Variants in KIF14 observed in about 807,000 individuals in gnomAD.
KIF14 encodes the protein kinesin family member 14, also known as kinesin-like protein KIF14.
A neutral mutation model predicts 176.2 loss-of-function variants in KIF14; 98 were observed. The observed-to-expected ratio is 0.56, with a 90% confidence interval of 0.47 to 0.66. The LOEUF is 0.66. Ranked by LOEUF, KIF14 falls within the 30% of genes least tolerant of loss-of-function variation. The pLI is 0.00. For synonymous variants in KIF14, 566 were observed against 632.2 expected, an observed-to-expected ratio of 0.90 and a Z score of 1.57; for missense variants, 1,751 against 1,920.4, an observed-to-expected ratio of 0.91 and a Z score of 1.65.
At chr1:200,575,524 CA>C (rs1658048141) in intron 22 of KIF14, 66 bp downstream of exon 22, 1 of 130,364 alleles carries the variant, frequency 7.7e-6, no homozygotes, top group African/African-American at 6.7e-5. Context: ...ATACAATTTA[CA>C]CACACACACA....
chr1:200,571,790 T>A (rs991766069), intron 22 of KIF14, among the ~76,000 whole-genome samples: 1 of 152,222 alleles, frequency 6.6e-6, no homozygotes, highest in Non-Finnish European at 1.5e-5. Context: ...AAAAAAAGTA[T>A]ATTATTACAG....
intron 25 of KIF14, among the ~76,000 whole-genome samples, chr1:200,561,229 T>A (rs1478190938): frequency 7.8e-6 from 1 of 128,078 alleles, no homozygotes; most frequent in Non-Finnish European, 1.6e-5. Flanking sequence ...GACTCCATCT[T>A]AAAAAAAAAA....
At chr1:200,578,855 G>T (rs1658279316) in intron 21 of KIF14, among the ~76,000 whole-genome samples, 1 of 152,132 alleles carries the variant, frequency 6.6e-6, no homozygotes, top group Non-Finnish European at 1.5e-5. Flanking sequence ...ACTTTGGGAG[G>T]CCAAGGCGGG....
chr1:200,586,015 G>T, intron 19 of KIF14, 86 bp downstream of exon 19: 1 of 930,982 alleles, frequency 1.1e-6, no homozygotes, highest in Non-Finnish European at 1.5e-6. Flanking sequence ...ATATGTAAAG[G>T]CAACTAATGC....
intron 8 of KIF14, 145 bp downstream of exon 8, chr1:200,605,138 T>G: frequency 1.4e-6 from 1 of 715,624 alleles, no homozygotes; most frequent in East Asian, 2.5e-5. Context: ...ATTTACTATC[T>G]TGCCTGTGGA....
intron 22 of KIF14, 53 bp downstream of exon 22, chr1:200,575,538 C>G: frequency 1.1e-6 from 1 of 918,990 alleles, no homozygotes; most frequent in South Asian, 1.8e-5. Context: ...CACACACACA[C>G]ACACACATGC....
intron 19 of KIF14, among the ~76,000 whole-genome samples, chr1:200,581,571 A>G (rs989523481): frequency 1.3e-5 from 2 of 151,786 alleles, no homozygotes; most frequent in Non-Finnish European, 2.9e-5. Context: ...CTAGAAAAAA[A>G]TTTTTTTTCT....
chr1:200,596,888 CTTTTT>C (rs993346438), intron 14 of KIF14, among the ~76,000 whole-genome samples: 2 of 99,212 alleles, frequency 2.0e-5, no homozygotes, highest in Admixed American at 1.2e-4. Context: ...CTCTCTCTCT[CTTTTT>C]TTTTTTTTTT....
Position 200,584,025 on chromosome 1 carries a change from C to T in KIF14, c.3241+2076G>A, listed in dbSNP as rs369254605. 1.3e-4 allele frequency among the ~76,000 whole-genome samples: 19 copies of T among 151,224 alleles called. No individual in the cohort carries two copies. The East Asian group carries it at 1.9e-3, about 15-fold the overall frequency. On this transcript the variant is annotated intron_variant, in intron 19 of 29. Coordinates refer to ENST00000367350, the MANE Select transcript of KIF14 (RefSeq NM_014875.3). ...TTGGGAGGCTGAGGTGGGTGGATCA[C>T]GAGGTCAGGAGGTAGAGACCATCCT...
chr1:200,565,239 G>T lies in KIF14; in HGVS notation c.3901C>A (p.Arg1301=). The T allele has an allele frequency of 6.3e-7, 1 of 1,595,070 alleles. No homozygotes were observed. Residue 1301 remains arginine (R), a synonymous_variant, in exon 25 of 30, where the codon CGA becomes AGA. Coordinates refer to ENST00000367350, the MANE Select transcript of KIF14 (RefSeq NM_014875.3). ...ESQDNLFSSD[R]AIQSLTIQTA... is the part of the protein sequence containing the mutation. Reference sequence around the variant, plus strand: ...TGAATAGTAAGTGACTGGATTGCTCGATCAGAAGAAAACACTTTGAAAGAA... The same window carrying T: ...TGAATAGTAAGTGACTGGATTGCTCTATCAGAAGAAAACACTTTGAAAGAA...
In KIF14 at chr1:200,602,156, A is replaced by G; in HGVS notation, c.1980-88T>C. The G allele has an allele frequency of 2.9e-6, 3 of 1,041,562 alleles. No individual in the cohort carries two copies. In the South Asian group the frequency reaches 4.7e-5, roughly 16 times the overall value. The allele number at this position is 1,041,562 out of a possible 1,614,324, so 64.5% of individuals were successfully genotyped here. A position where few individuals can be genotyped will look rare whatever the true frequency, so the allele number is the denominator to read the frequency against. On this transcript the variant is annotated intron_variant, in intron 10 of 29. Coordinates refer to ENST00000367350, the MANE Select transcript of KIF14 (RefSeq NM_014875.3). ...AAAGCACAAAACAAACTAATAGGGT[A>G]TATAATACAGTATTATTATACTCTA...
intron 5 of KIF14, among the ~76,000 whole-genome samples, chr1:200,607,419 G>A (rs569775194): frequency 8.5e-5 from 13 of 152,284 alleles, no homozygotes; most frequent in Non-Finnish European, 1.8e-4. Flanking sequence ...GATTGCAGGC[G>A]TCAGCCACCG....
chr1:200,567,169 C>T (rs1657504467), intron 23 of KIF14, among the ~76,000 whole-genome samples: 1 of 29,080 alleles, frequency 3.4e-5, no homozygotes, highest in African/African-American at 7.8e-5. Flanking sequence ...GAAACTCTGT[C>T]CTCAAAAAAA....
intron 4 of KIF14, among the ~76,000 whole-genome samples, chr1:200,613,420 A>G (rs1269793595): frequency 2.0e-5 from 3 of 152,106 alleles, no homozygotes; most frequent in Admixed American, 6.5e-5. Flanking sequence ...CTCCAACTTT[A>G]TATGTCCTCA....
At chr1:200,554,306 G>T (rs183237709) in intron 29 of KIF14, among the ~76,000 whole-genome samples, 162 bp downstream of exon 29, 2 of 151,938 alleles carry the variant, frequency 1.3e-5, no homozygotes, top group Non-Finnish European at 2.9e-5. Context: ...CAGGAGAATC[G>T]CTTGAACCCA....
chr1:200,618,842 A>C lies in KIF14; in HGVS notation c.-115-4T>G, dbSNP rs1660548499. 1.3e-6 allele frequency: 1 copy of C among 782,274 alleles called. No homozygotes were observed. The allele number at this position is 782,274 out of a possible 1,614,324, so 48.5% of individuals were successfully genotyped here. ...ATTTCTGAAAGTATCTGCTAAACTAAAAGAAAAAAAAAAGATTTAGATCAC... is the reference window on the plus strand; with the variant it reads ...ATTTCTGAAAGTATCTGCTAAACTACAAGAAAAAAAAAAGATTTAGATCAC... On this transcript the variant is annotated splice_polypyrimidine_tract_variant and splice_region_variant and intron_variant, in intron 1 of 29. Coordinates refer to ENST00000367350, the MANE Select transcript of KIF14 (RefSeq NM_014875.3).
At chr1:200,604,021 A>G in intron 8 of KIF14, 66 bp from the exon 9 acceptor site, 1 of 968,128 alleles carries the variant, frequency 1.0e-6, no homozygotes, top group East Asian at 2.4e-5. Flanking sequence ...GTTTTTTTAA[A>G]GGGAAAGCTG....
intron 24 of KIF14, 42 bp downstream of exon 24, chr1:200,565,403 T>C (rs1232727817): frequency 9.4e-6 from 14 of 1,492,912 alleles, no homozygotes; most frequent in Admixed American, 2.1e-5. Flanking sequence ...GTGCAGAAAA[T>C]AATCATTTAT....
chr1:200,568,341 T>C, intron 23 of KIF14, among the ~76,000 whole-genome samples: 1 of 152,216 alleles, frequency 6.6e-6, no homozygotes, highest in East Asian at 1.9e-4. Context: ...TTTATTTTGC[T>C]GATAAATAAA....
Sources: gnomAD v4.1 joint callset for allele counts (sites outside exome capture counted in the v4.1 genomes callset) on GRCh38, gnomAD v4.1.1 for gene constraint, MANE v1.5 for transcripts, NCBI Gene and HGNC (gene_info 2026-07-23, HGNC 2026-07-21) for gene names.